SYT2: variants seen among roughly 807,000 people sequenced by gnomAD.
The protein encoded by SYT2 is synaptotagmin 2, also known as synaptotagmin-2.
In SYT2, 15 loss-of-function variants were observed where a neutral mutation model predicts 39.9. The observed-to-expected ratio is 0.38, with a 90% confidence interval of 0.25 to 0.58. The LOEUF (loss-of-function observed/expected upper bound fraction) is 0.58, where lower values mean the gene tolerates loss of function less well. Among genes scored for constraint, SYT2 ranks in the 20% least tolerant of loss-of-function variants. The pLI is 0.70. For missense variants in SYT2, 389 were observed against 530.3 expected (o/e 0.73, Z 2.62); for synonymous variants, 181 against 204.5 (o/e 0.89, Z 0.98).
chr1:202,645,871 C>T (rs1292068498), intron 1 of SYT2, among the ~76,000 whole-genome samples: 1 of 152,174 alleles, frequency 6.6e-6, no homozygotes, highest in Non-Finnish European at 1.5e-5. Context: ...CACTCAGAGC[C>T]CCCTCAGGCC....
intron 1 of SYT2, among the ~76,000 whole-genome samples, chr1:202,653,984 G>A (rs1426293461): frequency 6.6e-6 from 1 of 152,204 alleles, no homozygotes; most frequent in African/African-American, 2.4e-5. Flanking sequence ...TGCAAAGTCT[G>A]AAGGTGGCCA....
chr1:202,637,120 G>A (rs377131919), intron 1 of SYT2, among the ~76,000 whole-genome samples: 8 of 152,032 alleles, frequency 5.3e-5, no homozygotes, highest in Admixed American at 3.3e-4. Context: ...CCAGGAGTTC[G>A]AGCCCAGCCT....
chr1:202,693,863 A>G (rs1653907769), intron 1 of SYT2, among the ~76,000 whole-genome samples: 1 of 152,254 alleles, frequency 6.6e-6, no homozygotes, highest in Admixed American at 6.5e-5. Context: ...CAGGCTGTAT[A>G]GGAAGCATTG....
intron 1 of SYT2, among the ~76,000 whole-genome samples, chr1:202,633,195 G>A (rs974465613): frequency 3.9e-5 from 6 of 152,110 alleles, no homozygotes; most frequent in African/African-American, 1.2e-4. Flanking sequence ...CTCAAATACT[G>A]ATCCCTATTT....
rs572571327 is a variant in SYT2, at chr1:202,628,577, G to A, written c.-17-22788C>T. Among the ~76,000 whole-genome samples, 12 of 152,314 alleles carry A rather than the reference G, an allele frequency of 7.9e-5. No homozygotes were observed. The highest frequency in any genetic ancestry group is 7.4e-5 in the Non-Finnish European group (5 of 68,020). On this transcript the variant is annotated intron_variant, in intron 1 of 8. Coordinates refer to ENST00000367268, the MANE Select transcript of SYT2 (RefSeq NM_177402.5). This position sits in a 1 kb window ranked among gnomAD's most constrained non-coding sequence, Gnocchi z 4.2. Reference sequence around the variant, plus strand: ...AACTAAAGTGGAGCATGCAAGTCCCGGGGGCACAATTAGGTGCTCCAAAGA... The same window carrying A: ...AACTAAAGTGGAGCATGCAAGTCCCAGGGGCACAATTAGGTGCTCCAAAGA...
chr1:202,674,932 C>T (rs140998131), intron 1 of SYT2, among the ~76,000 whole-genome samples: 1 of 152,360 alleles, frequency 6.6e-6, no homozygotes, highest in African/African-American at 2.4e-5. Context: ...GCCTGCTTCG[C>T]CTCCTTCAGA....
At chr1:202,598,498 T>C (rs572731021) in intron 8 of SYT2, among the ~76,000 whole-genome samples, 7 of 152,348 alleles carry the variant, frequency 4.6e-5, no homozygotes, top group Non-Finnish European at 7.3e-5. Context: ...AAGATTCTCT[T>C]GTACCCTTGC....
In SYT2 at chr1:202,618,754, C is replaced by A. The variant is rs1446139294; in HGVS notation, c.-17-12965G>T. ...CCACTGCTTATTTTTCCAAGGCTGC[C>A]CTTCGGTTGCATTTCCATTTTCCCT... On this transcript the variant is annotated intron_variant, in intron 1 of 8. Transcript: ENST00000367268. Among the ~76,000 whole-genome samples the A allele has an allele frequency of 2.0e-5, 3 of 152,128 alleles. No homozygotes were observed. The South Asian group carries it at 6.2e-4, about 32-fold the overall frequency.
At chr1:202,707,042 G>T (rs1376646091) in intron 1 of SYT2, among the ~76,000 whole-genome samples, 1 of 152,176 alleles carries the variant, frequency 6.6e-6, no homozygotes, top group Non-Finnish European at 1.5e-5. Flanking sequence ...ATCTAATTGT[G>T]TGGTATTCAC....
intron 1 of SYT2, among the ~76,000 whole-genome samples, chr1:202,621,626 C>A (rs1309022684): frequency 6.6e-6 from 1 of 152,174 alleles, no homozygotes; most frequent in East Asian, 1.9e-4. Flanking sequence ...AAAGAGAGAA[C>A]AAATGAGTGG....
At chr1:202,625,414 T>C (rs536048806) in intron 1 of SYT2, among the ~76,000 whole-genome samples, 260 of 14,914 alleles carry the variant, frequency 0.017, no homozygotes, top group Admixed American at 0.082. Flanking sequence ...GGTGTGTGTG[T>C]GGCGTGGACT....
At chr1:202,709,384 G>A (rs1654333282) in intron 1 of SYT2, among the ~76,000 whole-genome samples, 1 of 152,224 alleles carries the variant, frequency 6.6e-6, no homozygotes, top group South Asian at 2.1e-4. Flanking sequence ...GACAGGATGA[G>A]GGGGCCTGGC....
chr1:202,679,753 T>C (rs1653478674), intron 1 of SYT2, among the ~76,000 whole-genome samples: 1 of 152,116 alleles, frequency 6.6e-6, no homozygotes, highest in South Asian at 2.1e-4. Context: ...TTAATATCCT[T>C]CAATGGAAAA....
chr1:202,629,879 G>GGT (rs1382452067), intron 1 of SYT2, among the ~76,000 whole-genome samples: 1 of 97,386 alleles, frequency 1.0e-5, no homozygotes, highest in African/African-American at 5.1e-5. Flanking sequence ...GGGGGGGGGG[G>GGT]GTGGTACGGC....
At chr1:202,696,997 G>A (rs963206033) in intron 1 of SYT2, among the ~76,000 whole-genome samples, 1 of 152,110 alleles carries the variant, frequency 6.6e-6, no homozygotes, top group African/African-American at 2.4e-5. Flanking sequence ...CCAGACACAT[G>A]GTCTCATTCA....
At chr1:202,634,474 C>A (rs1572644421) in intron 1 of SYT2, among the ~76,000 whole-genome samples, 2 of 150,294 alleles carry the variant, frequency 1.3e-5, no homozygotes, top group African/African-American at 2.5e-5. Flanking sequence ...GCCTGGGCAA[C>A]AAGAGTGAAA....
At chr1:202,598,904 C>G (rs1690394770) in intron 8 of SYT2, among the ~76,000 whole-genome samples, 1 of 152,202 alleles carries the variant, frequency 6.6e-6, no homozygotes. Flanking sequence ...CTCCCACCCT[C>G]TCAGCCAGCT....
intron 8 of SYT2, among the ~76,000 whole-genome samples, chr1:202,597,582 G>C (rs999083359): frequency 2.0e-5 from 3 of 152,154 alleles, no homozygotes; most frequent in Non-Finnish European, 2.9e-5. Flanking sequence ...AAATGAGGCT[G>C]GTAGAGTAGG....
intron 1 of SYT2, among the ~76,000 whole-genome samples, chr1:202,705,647 C>G (rs1384954689): frequency 1.3e-5 from 2 of 152,068 alleles, no homozygotes; most frequent in Non-Finnish European, 2.9e-5. Context: ...CCAGCAGGGA[C>G]TTTATCCTCA....
Sources: allele counts gnomAD v4.1 joint callset (sites outside exome capture counted in the v4.1 genomes callset), GRCh38; gene constraint gnomAD v4.1.1; non-coding constraint Gnocchi (gnomAD v3.1); transcripts MANE v1.5; gene names NCBI Gene and HGNC (gene_info 2026-07-23, HGNC 2026-07-21).